RFX3: variants seen among roughly 807,000 people sequenced by gnomAD.
RFX3 encodes transcription factor RFX3.
RFX3 carries 14 observed loss-of-function variants against 98.6 expected under a neutral mutation model. The observed-to-expected ratio is 0.14, with a 90% CI of 0.09 to 0.22. The LOEUF is 0.22. Ranked by LOEUF, RFX3 falls within the 10% of genes least tolerant of loss-of-function variation. The pLI, the probability that RFX3 is intolerant of heterozygous loss-of-function variation, is 1.00. For missense variants in RFX3, 639 were observed against 926.9 expected (o/e 0.69, Z 4.03); for synonymous variants, 383 against 328.4 (o/e 1.17, Z -1.80).
chr9:3,357,485 T>C (rs1835913687), intron 2 of RFX3, among the ~76,000 whole-genome samples: 1 of 152,132 alleles, frequency 6.6e-6, no homozygotes, highest in African/African-American at 2.4e-5. Context: ...AATTTAAAGA[T>C]AATAAAAACA....
chr9:3,363,300 A>G (rs1836672444), intron 2 of RFX3, among the ~76,000 whole-genome samples: 1 of 152,230 alleles, frequency 6.6e-6, no homozygotes, highest in African/African-American at 2.4e-5. Context: ...TGTATGCAGC[A>G]CATCAAAATA....
intron 8 of RFX3, among the ~76,000 whole-genome samples, chr9:3,277,107 T>A (rs1169701239): frequency 2.6e-5 from 4 of 151,924 alleles, no homozygotes; most frequent in Non-Finnish European, 5.9e-5. Flanking sequence ...TAGCAATGAG[T>A]CTTTAATTCA....
At chr9:3,256,856 G>C (rs927153794) in intron 14 of RFX3, 135 bp downstream of exon 14, 1 of 768,940 alleles carries the variant, frequency 1.3e-6, no homozygotes, top group Non-Finnish European at 2.1e-6. Context: ...GTTGAAGGTA[G>C]TTGTAACAGG....
chr9:3,220,205 C>T lies in RFX3; in HGVS notation c.*4837G>A, dbSNP rs1306658431. ...AAACAATATTTTATGAGCGATCTAACTCCAAATAGCCTAACTGCCCCCAAA... is the reference window on the plus strand; with the variant it reads ...AAACAATATTTTATGAGCGATCTAATTCCAAATAGCCTAACTGCCCCCAAA... On this transcript the variant is annotated 3_prime_UTR_variant, in exon 17 of 17. Transcript: ENST00000617270. 2.0e-5 allele frequency: 3 copies of T among 152,164 alleles called. No homozygotes were observed. Among genetic ancestry groups the T allele is most frequent in the Non-Finnish European group, 4.4e-5 (3 of 68,040 alleles). 9.4% of individuals were successfully genotyped at this position (152,164 alleles called of 1,614,324 possible).
intron 1 of RFX3, among the ~76,000 whole-genome samples, chr9:3,426,434 C>T (rs771492956): frequency 6.6e-6 from 1 of 151,924 alleles, no homozygotes; most frequent in African/African-American, 2.4e-5. Context: ...ACAAGGGTCC[C>T]CAACCCCTCA....
rs945410468 is a variant in RFX3, at chr9:3,221,275, A to T, written c.*3767T>A. 6.6e-6 allele frequency: 1 copy of T among 152,186 alleles called. No homozygotes were observed. The highest frequency in any genetic ancestry group is 1.5e-5 in the Non-Finnish European group (1 of 68,026). 9.4% of individuals were successfully genotyped at this position (152,186 alleles called of 1,614,324 possible). The stretch of plus-strand genomic sequence containing the variant: ...ATCTGAGGAATTTTTAAAAATTTGA[A>T]AATGCATTTAGCACTTTTAGACAGT... On this transcript the variant is annotated 3_prime_UTR_variant, in exon 17 of 17. Coordinates refer to ENST00000617270, the MANE Select transcript of RFX3 (RefSeq NM_001282116.2).
chr9:3,521,472 C>T lies in RFX3; in HGVS notation c.-9+4275G>A, dbSNP rs545464592. 3.9e-5 allele frequency among the ~76,000 whole-genome samples: 6 copies of T among 152,172 alleles called. No individual in the cohort carries two copies. The East Asian group carries it at 1.2e-3, about 29-fold the overall frequency. ...ATAAAAGTTCTAGTGAGTTCACATT[C>T]TTAGTGATAATAATCTCATGTTGCA... On this transcript the variant is annotated intron_variant, in intron 1 of 16. Transcript: ENST00000617270.
intron 4 of RFX3, among the ~76,000 whole-genome samples, chr9:3,325,926 A>G (rs1196872280): frequency 1.3e-5 from 2 of 152,186 alleles, no homozygotes; most frequent in Non-Finnish European, 2.9e-5. Context: ...CAGATGTATA[A>G]TGAGTTCAGA....
intron 1 of RFX3, among the ~76,000 whole-genome samples, chr9:3,441,417 A>G (rs1845601128): frequency 6.6e-6 from 1 of 152,160 alleles, no homozygotes; most frequent in Non-Finnish European, 1.5e-5. Context: ...GGCAACAACC[A>G]GCATATCCAG....
intron 1 of RFX3, among the ~76,000 whole-genome samples, chr9:3,455,467 G>A (rs974880880): frequency 1.3e-5 from 2 of 152,008 alleles, no homozygotes; most frequent in Non-Finnish European, 2.9e-5. Flanking sequence ...TATCATAGCT[G>A]CAATTTACAT....
intron 1 of RFX3, among the ~76,000 whole-genome samples, chr9:3,427,482 T>C (rs921665417): frequency 1.5e-5 from 2 of 136,766 alleles, no homozygotes; most frequent in Non-Finnish European, 3.0e-5. Flanking sequence ...TATTGTTATA[T>C]AATAATACAA....
chr9:3,270,045 T>C (rs639102), intron 11 of RFX3, among the ~76,000 whole-genome samples: 61,155 of 129,502 alleles, frequency 0.47, 15,351 homozygotes, highest in Non-Finnish European at 0.56. Flanking sequence ...TTGGCTTTTC[T>C]ATCAAAAAAA....
intron 15 of RFX3, chr9:3,247,372 C>T: frequency 1.0e-6 from 1 of 969,458 alleles, no homozygotes; most frequent in Non-Finnish European, 1.2e-6. Flanking sequence ...GTTTGAAAAT[C>T]AGACTGTGTT....
At chr9:3,490,842 T>C (rs1013756386) in intron 1 of RFX3, among the ~76,000 whole-genome samples, 13 of 152,082 alleles carry the variant, frequency 8.5e-5, no homozygotes, top group Non-Finnish European at 1.5e-4. Flanking sequence ...AGATCTTTTG[T>C]TCAAGGAAGG....
At chr9:3,363,904 C>A (rs772315794) in intron 2 of RFX3, among the ~76,000 whole-genome samples, 13 of 152,236 alleles carry the variant, frequency 8.5e-5, no homozygotes, top group Admixed American at 5.2e-4. Flanking sequence ...GAGACGGAGT[C>A]TCACTTTGTC....
intron 1 of RFX3, among the ~76,000 whole-genome samples, chr9:3,473,749 T>A (rs1848979604): frequency 6.6e-6 from 1 of 152,202 alleles, no homozygotes; most frequent in African/African-American, 2.4e-5. Flanking sequence ...TTTATTGTTA[T>A]TGTAATTAGC....
chr9:3,318,530 A>AAAAATT (rs1830896418), intron 4 of RFX3, among the ~76,000 whole-genome samples: 1 of 150,222 alleles, frequency 6.7e-6, no homozygotes, highest in African/African-American at 2.4e-5. Context: ...ATAATAATTA[A>AAAAATT]AAAATTAAAA....
At chr9:3,346,539 C>A in intron 3 of RFX3, 128 bp downstream of exon 3, 1 of 579,530 alleles carries the variant, frequency 1.7e-6, no homozygotes, top group Non-Finnish European at 2.9e-6. Flanking sequence ...AGCTTAATTT[C>A]AATAACTGTT....
chr9:3,259,540 G>C (rs1822587079), intron 13 of RFX3, among the ~76,000 whole-genome samples: 2 of 150,992 alleles, frequency 1.3e-5, no homozygotes, highest in South Asian at 4.2e-4. Flanking sequence ...AAAGTAGTCA[G>C]GAACTTCAAA....
Sources: gnomAD v4.1 joint callset for allele counts (sites outside exome capture counted in the v4.1 genomes callset) on GRCh38, gnomAD v4.1.1 for gene constraint, MANE v1.5 for transcripts, NCBI Gene and HGNC (gene_info 2026-07-23, HGNC 2026-07-21) for gene names.